Variants in ATP8A2 observed in about 807,000 individuals in gnomAD.
ATP8A2 encodes the protein phospholipid-transporting ATPase IB.
Under a neutral mutation model 165.6 loss-of-function variants are expected in ATP8A2, and 100 were observed. That is an observed-to-expected ratio of 0.60 (90% confidence interval 0.51 to 0.71). The LOEUF (loss-of-function observed/expected upper bound fraction) is 0.71, where lower values mean the gene tolerates loss of function less well. ATP8A2 is among the 30% of genes least tolerant of loss of function. The probability of loss-of-function intolerance (pLI) is 0.00; values close to 1 mark genes in which losing one functional copy is unlikely to be tolerated. For synonymous variants in ATP8A2, 543 were observed against 548.8 expected (o/e 0.99, Z 0.15); for missense variants, 1,227 against 1,479.5 (o/e 0.83, Z 2.80).
At chr13:25,763,613 A>G (rs1029427016) in intron 25 of ATP8A2, among the ~76,000 whole-genome samples, 3 of 152,088 alleles carry the variant, frequency 2.0e-5, no homozygotes, top group Non-Finnish European at 4.4e-5. Context: ...CCCAAATTCT[A>G]TATCTGCCAC....
intron 1 of ATP8A2, among the ~76,000 whole-genome samples, chr13:25,436,647 G>A (rs2034784996): frequency 6.6e-6 from 1 of 152,094 alleles, no homozygotes; most frequent in East Asian, 1.9e-4. Flanking sequence ...TGGGTTGAAT[G>A]GTAGTTCTGT....
At chr13:25,991,913 T>TG in intron 35 of ATP8A2, among the ~76,000 whole-genome samples, 2 of 150,820 alleles carry the variant, frequency 1.3e-5, no homozygotes, top group South Asian at 2.1e-4. Flanking sequence ...ACTTTTAGGT[T>TG]TTTTTTTTTT....
At chr13:25,601,699 A>G (rs2040391839) in intron 24 of ATP8A2, among the ~76,000 whole-genome samples, 1 of 152,148 alleles carries the variant, frequency 6.6e-6, no homozygotes, top group South Asian at 2.1e-4. Context: ...TGTCGAACTG[A>G]ACTCAAGTGA....
At chr13:25,463,901 G>T (rs2035567770) in intron 1 of ATP8A2, among the ~76,000 whole-genome samples, 1 of 152,030 alleles carries the variant, frequency 6.6e-6, no homozygotes, top group Non-Finnish European at 1.5e-5. Flanking sequence ...GCTCTCCTCT[G>T]CCCTTCCCTG....
chr13:25,865,817 T>C lies in ATP8A2; in HGVS notation c.3183+3409T>C, dbSNP rs78240933. Among the ~76,000 whole-genome samples, 249 of 152,282 alleles carry C rather than the reference T, an allele frequency of 1.6e-3. 7 individuals carry two copies. The East Asian group carries it at 0.045, about 27-fold the overall frequency. ...TTTTAAGGGGCATCCTGTTTTTCCG[T>C]TTTTCTCTTTTGAAGCTTGGATTTA... On this transcript the variant is annotated intron_variant, in intron 33 of 36. Coordinates refer to ENST00000381655, the MANE Select transcript of ATP8A2 (RefSeq NM_016529.6).
At chr13:25,383,598 G>A (rs1381556641) in intron 1 of ATP8A2, among the ~76,000 whole-genome samples, 4 of 152,098 alleles carry the variant, frequency 2.6e-5, no homozygotes, top group African/African-American at 9.7e-5. Context: ...TTATCAATAT[G>A]TTCTTTCATG....
At chr13:25,958,576 C>T (rs1353493532) in intron 33 of ATP8A2, among the ~76,000 whole-genome samples, 1 of 152,202 alleles carries the variant, frequency 6.6e-6, no homozygotes, top group Non-Finnish European at 1.5e-5. Flanking sequence ...CCACCTGACG[C>T]TCACTTTCCT....
intron 1 of ATP8A2, among the ~76,000 whole-genome samples, chr13:25,377,814 A>G (rs1425856676): frequency 6.6e-6 from 1 of 151,912 alleles, no homozygotes; most frequent in Admixed American, 6.6e-5. Context: ...ACAAAGCAAA[A>G]CAAAACAAAA....
At chr13:25,914,915 C>G (rs568897062) in intron 33 of ATP8A2, among the ~76,000 whole-genome samples, 4 of 152,218 alleles carry the variant, frequency 2.6e-5, no homozygotes, top group Non-Finnish European at 5.9e-5. Context: ...TCCCCCTTCC[C>G]GATTTGTTAG....
chr13:25,450,563 G>C (rs183946842), intron 1 of ATP8A2, among the ~76,000 whole-genome samples: 4 of 151,834 alleles, frequency 2.6e-5, no homozygotes, highest in African/African-American at 9.7e-5. Flanking sequence ...ACGGAGTCTC[G>C]CTCTGTCGCC....
intron 24 of ATP8A2, among the ~76,000 whole-genome samples, chr13:25,608,944 G>T (rs2040586120): frequency 6.6e-6 from 1 of 152,110 alleles, no homozygotes; most frequent in Non-Finnish European, 1.5e-5. Flanking sequence ...CAGTGTCAAA[G>T]AGGAAATCAC....
chr13:25,605,766 G>A (rs2040500512), intron 24 of ATP8A2, among the ~76,000 whole-genome samples: 1 of 152,116 alleles, frequency 6.6e-6, no homozygotes, highest in Non-Finnish European at 1.5e-5. Context: ...ATATTTCTGT[G>A]ATTTATTTAA....
chr13:25,906,623 G>A (rs1224633344), intron 33 of ATP8A2, among the ~76,000 whole-genome samples: 1 of 151,330 alleles, frequency 6.6e-6, no homozygotes, highest in Non-Finnish European at 1.5e-5. Context: ...TTCTCTTCTT[G>A]TTCTTCTGTG....
At chr13:25,635,030 A>C (rs1235801201) in intron 24 of ATP8A2, among the ~76,000 whole-genome samples, 1 of 152,130 alleles carries the variant, frequency 6.6e-6, no homozygotes, top group East Asian at 1.9e-4. Context: ...AAGGGGAAAA[A>C]TGAATTTGCA....
rs1216514701 is a variant in ATP8A2, at chr13:25,387,898, T to C, written c.76+15610T>C. Among the ~76,000 whole-genome samples the C allele has an allele frequency of 3.3e-5, 5 of 152,126 alleles. No individual in the cohort carries two copies. In the South Asian group the frequency reaches 1.0e-3, roughly 32 times the overall value. On this transcript the variant is annotated intron_variant, in intron 1 of 36. Transcript: ENST00000381655. ...GGACAACATGGTGAAACCCTGTCTC[T>C]ACTAAAAATATAAAATTAGCCAGGT... is the stretch of plus-strand genomic sequence containing the variant.
intron 24 of ATP8A2, among the ~76,000 whole-genome samples, chr13:25,610,779 T>C (rs2040663017): frequency 1.3e-5 from 2 of 151,670 alleles, no homozygotes; most frequent in African/African-American, 2.4e-5. Context: ...CAGTGTTTTG[T>C]ATTTGGGATG....
rs1396893117 is a variant in ATP8A2, at chr13:25,372,329, G to A, written c.76+41G>A. The A allele has an allele frequency of 2.9e-6, 4 of 1,385,798 alleles. No individual in the cohort carries two copies. Among genetic ancestry groups the A allele is most frequent in the Non-Finnish European group, 2.9e-6 (3 of 1,049,768 alleles). The allele number at this position is 1,385,798 out of a possible 1,614,324, so 85.8% of individuals were successfully genotyped here. A position where few individuals can be genotyped will look rare whatever the true frequency, so the allele number is the denominator to read the frequency against. On this transcript the variant is annotated intron_variant, in intron 1 of 36. Coordinates refer to ENST00000381655, the MANE Select transcript of ATP8A2 (RefSeq NM_016529.6). This position sits in a 1 kb window ranked among gnomAD's most constrained non-coding sequence, Gnocchi z 4.8. ...CGCGGCGAGGGAGGGTGGGCCCGGG[G>A]CGGGGGCGGCGCGGGGCGCGCCTGC...
intron 1 of ATP8A2, among the ~76,000 whole-genome samples, chr13:25,445,362 G>A (rs1593316551): frequency 6.6e-6 from 1 of 152,174 alleles, no homozygotes; most frequent in East Asian, 1.9e-4. Context: ...TGGTACCTAA[G>A]CTCCTGGTAG....
chr13:25,413,500 T>C (rs2034038915), intron 1 of ATP8A2, among the ~76,000 whole-genome samples: 2 of 152,124 alleles, frequency 1.3e-5, no homozygotes, highest in South Asian at 4.1e-4. Context: ...CAGGCTGGTC[T>C]TGAACTCCTG....
Sources: allele counts gnomAD v4.1 joint callset (sites outside exome capture counted in the v4.1 genomes callset), GRCh38; gene constraint gnomAD v4.1.1; non-coding constraint Gnocchi (gnomAD v3.1); transcripts MANE v1.5; gene names NCBI Gene and HGNC (gene_info 2026-07-23, HGNC 2026-07-21).